Variants in NINJ2 observed in about 807,000 individuals in gnomAD.
NINJ2 encodes the protein ninjurin-2.
In NINJ2, 12 loss-of-function variants were observed where a neutral mutation model predicts 11.7. The ratio of observed to expected loss-of-function variants is 1.02; its 90% CI spans 0.66 to 1.66. NINJ2 has a LOEUF of 1.66. NINJ2 is among the 40% of genes most tolerant of loss of function. The probability of loss-of-function intolerance (pLI) is 0.00; values close to 1 mark genes in which losing one functional copy is unlikely to be tolerated. For missense variants in NINJ2, 187 were observed against 181.8 expected (o/e 1.03, Z -0.16); for synonymous variants, 93 against 76.8 (o/e 1.21, Z -1.10).
intron 1 of NINJ2, among the ~76,000 whole-genome samples, chr12:582,155 G>A (rs937820707): frequency 6.6e-5 from 10 of 152,246 alleles, no homozygotes; most frequent in African/African-American, 1.9e-4. Context: ...TCCTCCTCCC[G>A]CAGCTCTTAG....
intron 1 of NINJ2, chr12:610,225 G>A: frequency 1.2e-6 from 1 of 818,304 alleles, no homozygotes; most frequent in Non-Finnish European, 2.0e-6. Context: ...AGCAGACACA[G>A]AATCAATGCT....
chr12:608,395 C>A (rs762562822), intron 1 of NINJ2, among the ~76,000 whole-genome samples: 28 of 152,226 alleles, frequency 1.8e-4, no homozygotes, highest in Admixed American at 3.3e-4. Context: ...GTGCTTATTA[C>A]CGGCCTGGCA....
At chr12:657,190 T>C (rs574458461) in intron 1 of NINJ2, among the ~76,000 whole-genome samples, 1 of 152,314 alleles carries the variant, frequency 6.6e-6, no homozygotes, top group South Asian at 2.1e-4. Context: ...TGAAAGGCAA[T>C]GTCAACAGAA....
chr12:624,169 T>G (rs573417944), intron 1 of NINJ2, among the ~76,000 whole-genome samples: 73 of 152,272 alleles, frequency 4.8e-4, no homozygotes, highest in Non-Finnish European at 7.3e-4. Flanking sequence ...TGACTCATTG[T>G]TCTCTACAAT....
chr12:649,069 G>A (rs75843356), intron 1 of NINJ2, among the ~76,000 whole-genome samples: 3 of 128,524 alleles, frequency 2.3e-5, no homozygotes, highest in Non-Finnish European at 3.2e-5. Flanking sequence ...TTTTTTTTTC[G>A]AGACGGAGTC....
intron 1 of NINJ2, among the ~76,000 whole-genome samples, chr12:582,982 A>T (rs111614231): frequency 3.4e-4 from 7 of 20,720 alleles, no homozygotes; most frequent in Non-Finnish European, 2.4e-4. Context: ...GGCATGCTAG[A>T]GTGAATGAAT....
At chr12:611,225 CTT>C (rs879413523) in intron 1 of NINJ2, among the ~76,000 whole-genome samples, 18 of 142,158 alleles carry the variant, frequency 1.3e-4, no homozygotes, top group Middle Eastern at 3.9e-3. Context: ...TTCTTTCTTT[CTT>C]TTTCTTTCTT....
At chr12:627,798 C>T (rs1040028431) in intron 1 of NINJ2, among the ~76,000 whole-genome samples, 2 of 152,104 alleles carry the variant, frequency 1.3e-5, no homozygotes, top group African/African-American at 4.8e-5. Flanking sequence ...GCCTGTAATC[C>T]CTGGGCACAG....
chr12:602,330 T>C (rs2607921), intron 1 of NINJ2, among the ~76,000 whole-genome samples: 91,535 of 152,034 alleles, frequency 0.6, 27,977 homozygotes, highest in African/African-American at 0.7. Context: ...CCTAGGCAAC[T>C]ACTAATCTAC....
Position 581,031 on chromosome 12 carries a change from A to ATGTGTCTGTGTGTGTC in NINJ2, c.34-14869_34-14854dup, listed in dbSNP as rs1359415090. On this transcript the variant is annotated intron_variant, in intron 1 of 3. Transcript: ENST00000305108. This position sits in a 1 kb window ranked among gnomAD's most constrained non-coding sequence, Gnocchi z 4.9. ...GAATGTGTGTGTTCATGTCTTGTGT[A>ATGTGTCTGTGTGTGTC]TGTGTCTGTGTGTGTCTGTGTCTGT... 2.2e-5 allele frequency among the ~76,000 whole-genome samples: 3 copies of ATGTGTCTGTGTGTGTC among 138,790 alleles called. No homozygotes were observed. Among genetic ancestry groups the ATGTGTCTGTGTGTGTC allele is most frequent in the African/African-American group, 8.3e-5 (3 of 36,138 alleles). 91.1% of individuals were successfully genotyped at this position (138,790 alleles called of 152,430 possible). A position where few individuals can be genotyped will look rare whatever the true frequency, so the allele number is the denominator to read the frequency against.
chr12:599,918 G>C (rs1947844940), intron 1 of NINJ2, among the ~76,000 whole-genome samples: 1 of 152,116 alleles, frequency 6.6e-6, no homozygotes, highest in African/African-American at 2.4e-5. Flanking sequence ...GGATACCTCT[G>C]ATGCCAAGGT....
At chr12:629,881 C>CA (rs1179186409) in intron 1 of NINJ2, among the ~76,000 whole-genome samples, 71 of 3,370 alleles carry the variant, frequency 0.021, 15 homozygotes, top group Non-Finnish European at 0.076. Context: ...GAGCAAAACT[C>CA]AAAAAAAAAA....
At chr12:613,059 A>C (rs1244236010) in intron 1 of NINJ2, among the ~76,000 whole-genome samples, 2 of 152,130 alleles carry the variant, frequency 1.3e-5, no homozygotes, top group South Asian at 4.1e-4. Flanking sequence ...CAAAGCGTGC[A>C]ATTCAGTGGC....
chr12:607,797 G>C (rs747182000), intron 1 of NINJ2, among the ~76,000 whole-genome samples: 38 of 152,202 alleles, frequency 2.5e-4, no homozygotes, highest in Non-Finnish European at 4.7e-4. Flanking sequence ...CCACAGGACT[G>C]GGGGTGGAAG....
rs145993855 is a variant in NINJ2 at position 623,766 on chromosome 12, G to A, written c.33+39562C>T. On this transcript the variant is annotated intron_variant, in intron 1 of 3. Coordinates refer to ENST00000305108, the MANE Select transcript of NINJ2 (RefSeq NM_016533.6). ...TCAAAGAGTGAGGCTGGGCATGGTG[G>A]CTCATGCCTGCAATCCCAGTACTCT... is the stretch of plus-strand genomic sequence containing the variant. Among the ~76,000 whole-genome samples the A allele has an allele frequency of 2.8e-3, 433 of 152,342 alleles. 1 individual carries two copies. Among genetic ancestry groups the A allele is most frequent in the African/African-American group, 9.9e-3 (412 of 41,582 alleles).
At chr12:579,192 G>A (rs1045684807) in intron 1 of NINJ2, among the ~76,000 whole-genome samples, 4 of 152,240 alleles carry the variant, frequency 2.6e-5, no homozygotes, top group South Asian at 2.1e-4. Context: ...TGAGCCTGCA[G>A]TCTCTGGCTA....
chr12:599,018 G>A (rs1160891470), intron 1 of NINJ2, among the ~76,000 whole-genome samples: 1 of 150,778 alleles, frequency 6.6e-6, no homozygotes, highest in East Asian at 2.0e-4. Flanking sequence ...TTGTATTTTT[G>A]TTACAAGGAT....
intron 1 of NINJ2, among the ~76,000 whole-genome samples, chr12:599,340 C>T (rs1038744460): frequency 2.6e-5 from 4 of 152,178 alleles, no homozygotes; most frequent in Middle Eastern, 3.4e-3. Flanking sequence ...GCCGAGATTG[C>T]GCCGTCGCAC....
chr12:618,153 G>A (rs1207907417), intron 1 of NINJ2, among the ~76,000 whole-genome samples: 1 of 149,630 alleles, frequency 6.7e-6, no homozygotes, highest in Non-Finnish European at 1.5e-5. Context: ...CTCCTTGCTG[G>A]ACAATGCCAA....
Sources: allele counts gnomAD v4.1 joint callset (sites outside exome capture counted in the v4.1 genomes callset), GRCh38; gene constraint gnomAD v4.1.1; non-coding constraint Gnocchi (gnomAD v3.1); transcripts MANE v1.5; gene names NCBI Gene and HGNC (gene_info 2026-07-23, HGNC 2026-07-21).